The following CNTNAP4 variants were observed in gnomAD, a reference collection of about 807,000 sequenced individuals.
CNTNAP4 encodes the protein contactin associated protein family member 4, also known as contactin-associated protein-like 4.
CNTNAP4 carries 98 observed loss-of-function variants against 148.4 expected under a neutral mutation model. That is an observed-to-expected ratio of 0.66 (90% CI 0.56 to 0.78). The LOEUF is 0.78. CNTNAP4 is among the 30% of genes least tolerant of loss of function. The pLI is 0.00. For synonymous variants in CNTNAP4, 730 were observed against 565.1 expected, an observed-to-expected ratio of 1.29 and a Z score of -4.14; for missense variants, 1,935 against 1,565.6, an observed-to-expected ratio of 1.24 and a Z score of -3.98.
chr16:76,555,793 A>G (rs1419773785), intron 23 of CNTNAP4, among the ~76,000 whole-genome samples: 2 of 152,206 alleles, frequency 1.3e-5, no homozygotes, highest in African/African-American at 4.8e-5. Context: ...ACAGGACAGA[A>G]ACAATATGGA....
chr16:76,481,662 A>G (rs956481342), intron 12 of CNTNAP4, among the ~76,000 whole-genome samples: 1 of 152,208 alleles, frequency 6.6e-6, no homozygotes, highest in Admixed American at 6.5e-5. Flanking sequence ...TTAGAAGTCA[A>G]TATTTTATGG....
chr16:76,484,715 C>T (rs1031120082), intron 12 of CNTNAP4, among the ~76,000 whole-genome samples: 2 of 152,148 alleles, frequency 1.3e-5, no homozygotes, highest in Non-Finnish European at 2.9e-5. Context: ...AAGCACTGGT[C>T]TCTTTTCTCA....
chr16:76,335,150 A>G (rs1006103080), intron 2 of CNTNAP4, among the ~76,000 whole-genome samples: 7 of 152,116 alleles, frequency 4.6e-5, no homozygotes, highest in African/African-American at 1.4e-4. Context: ...AGTGATCAGT[A>G]GATTCTGCTT....
At chr16:76,322,208 A>T (rs73620934) in intron 2 of CNTNAP4, among the ~76,000 whole-genome samples, 6,375 of 152,310 alleles carry the variant, frequency 0.042, 412 homozygotes, top group African/African-American at 0.14. Flanking sequence ...AGGCTGTGGC[A>T]TGTGATTTGT....
intron 3 of CNTNAP4, among the ~76,000 whole-genome samples, chr16:76,393,732 C>T (rs2078105614): frequency 6.6e-6 from 1 of 151,982 alleles, no homozygotes; most frequent in Non-Finnish European, 1.5e-5. Context: ...CAGAGGGTAT[C>T]CTGGGCTGTG....
At chr16:76,487,585 T>C (rs1407080221) in intron 12 of CNTNAP4, among the ~76,000 whole-genome samples, 1 of 152,194 alleles carries the variant, frequency 6.6e-6, no homozygotes, top group African/African-American at 2.4e-5. Flanking sequence ...CACATGAGGT[T>C]TGGAACCTGG....
chr16:76,359,588 C>G (rs1337506715), intron 3 of CNTNAP4, among the ~76,000 whole-genome samples: 1 of 152,012 alleles, frequency 6.6e-6, no homozygotes, highest in Non-Finnish European at 1.5e-5. Context: ...AATAGAAATG[C>G]AAACTTGATA....
intron 2 of CNTNAP4, among the ~76,000 whole-genome samples, chr16:76,330,008 C>G (rs753011256): frequency 6.6e-6 from 1 of 152,160 alleles, no homozygotes; most frequent in Admixed American, 6.5e-5. Context: ...CAGACACTTC[C>G]CACACCTGTG....
chr16:76,462,484 T>C (rs2081013694), intron 9 of CNTNAP4, among the ~76,000 whole-genome samples: 1 of 152,176 alleles, frequency 6.6e-6, no homozygotes, highest in Non-Finnish European at 1.5e-5. Context: ...AGCATCCTTA[T>C]TGCTTCCCTA....
intron 1 of CNTNAP4, among the ~76,000 whole-genome samples, 174 bp downstream of exon 1, chr16:76,277,921 T>C (rs1958540939): frequency 6.6e-6 from 1 of 152,204 alleles, no homozygotes; most frequent in South Asian, 2.1e-4. Context: ...TCTCTCCTCT[T>C]GGTCTGGTCA....
At chr16:76,519,611 A>C (rs985048308) in intron 15 of CNTNAP4, among the ~76,000 whole-genome samples, 6 of 152,218 alleles carry the variant, frequency 3.9e-5, no homozygotes, top group Non-Finnish European at 7.3e-5. Context: ...CTAAGAATGC[A>C]AATGTGTTGT....
At chr16:76,453,433 G>A (rs182604103) in intron 8 of CNTNAP4, among the ~76,000 whole-genome samples, 1 of 152,278 alleles carries the variant, frequency 6.6e-6, no homozygotes, top group East Asian at 1.9e-4. Flanking sequence ...ATTTAGGCCA[G>A]TGCGTTGAGT....
intron 2 of CNTNAP4, among the ~76,000 whole-genome samples, chr16:76,354,071 A>T (rs1459464525): frequency 6.6e-6 from 1 of 152,230 alleles, no homozygotes; most frequent in Admixed American, 6.5e-5. Flanking sequence ...CAAGGTGAGC[A>T]GCAAAAGAAT....
chr16:76,516,987 C>G (rs1299097618), intron 15 of CNTNAP4, among the ~76,000 whole-genome samples: 1 of 152,128 alleles, frequency 6.6e-6, no homozygotes, highest in African/African-American at 2.4e-5. Flanking sequence ...TCGCTTCAAC[C>G]CGGGAGGTGG....
intron 3 of CNTNAP4, among the ~76,000 whole-genome samples, chr16:76,360,526 C>T (rs2013279591): frequency 6.6e-6 from 1 of 152,138 alleles, no homozygotes; most frequent in African/African-American, 2.4e-5. Context: ...AGCCTACAAG[C>T]AGCATTTGTG....
Position 76,535,825 on chromosome 16 carries a change from A to G in CNTNAP4, c.2995+41A>G, listed in dbSNP as rs759911418. ...AAGACTGTAAGAGGAAAATTTATTCAATGTGGATTAAATGTCTGGCAGTTC... is the reference window on the plus strand; with the variant it reads ...AAGACTGTAAGAGGAAAATTTATTCGATGTGGATTAAATGTCTGGCAGTTC... On this transcript the variant is annotated intron_variant, in intron 18 of 23. Coordinates refer to ENST00000611870, the MANE Select transcript of CNTNAP4 (RefSeq NM_033401.5). 3 of 1,571,096 alleles carry G rather than the reference A, an allele frequency of 1.9e-6. No homozygotes were observed. The South Asian group carries it at 3.4e-5, about 18-fold the overall frequency.
intron 3 of CNTNAP4, among the ~76,000 whole-genome samples, chr16:76,383,913 CT>C (rs2016249868): frequency 2.6e-5 from 4 of 152,008 alleles, no homozygotes; most frequent in African/African-American, 4.8e-5. Context: ...CTACTTGGTT[CT>C]ATGTTTGAAA....
intron 1 of CNTNAP4, among the ~76,000 whole-genome samples, chr16:76,313,514 T>TG (rs1961373875): frequency 6.6e-6 from 1 of 152,186 alleles, no homozygotes; most frequent in Non-Finnish European, 1.5e-5. Context: ...CCTTCACCAC[T>TG]CCATGGGTTG....
chr16:76,513,400 G>A (rs1363648058), intron 15 of CNTNAP4, among the ~76,000 whole-genome samples: 1 of 152,166 alleles, frequency 6.6e-6, no homozygotes, highest in Non-Finnish European at 1.5e-5. Flanking sequence ...GGAGCATTGA[G>A]TGTGCACACT....
Sources: gnomAD v4.1 joint callset for allele counts (sites outside exome capture counted in the v4.1 genomes callset) on GRCh38, gnomAD v4.1.1 for gene constraint, MANE v1.5 for transcripts, NCBI Gene and HGNC (gene_info 2026-07-23, HGNC 2026-07-21) for gene names.